The following APEX1 variants were observed in gnomAD, a reference collection of about 807,000 sequenced individuals.
The protein encoded by APEX1 is apurinic/apyrimidinic endodeoxyribonuclease 1.
Under a neutral mutation model 33.2 loss-of-function variants are expected in APEX1, and 32 were observed. The ratio of observed to expected loss-of-function variants is 0.96; its 90% CI spans 0.73 to 1.29. The LOEUF is 1.29. APEX1 is among the 50% of genes most tolerant of loss of function. The probability of loss-of-function intolerance (pLI) is 0.00; values close to 1 mark genes in which losing one functional copy is unlikely to be tolerated. For synonymous variants in APEX1, 175 were observed against 156.6 expected (o/e 1.12, Z -0.88); for missense variants, 442 against 395.6 (o/e 1.12, Z -0.99).
At position 20,455,698 on chromosome 14, in the gene APEX1, G is replaced by C. The variant is rs1247265790; in HGVS notation, c.53G>C (p.Arg18Thr). ...GTGGCGGAAGACGGGGATGAGCTCA[G>C]GACAGGTAAGGGAATGAAATCAGCC... ...GAVAEDGDEL[R>T]TEPEAKKSKT... is the part of the protein sequence containing the mutation. The change falls in exon 2 of 5, where the codon AGG becomes ACG. Residue 18 changes from arginine (R) to threonine (T), a missense_variant. Coordinates refer to ENST00000216714, the MANE Select transcript of APEX1 (RefSeq NM_001641.4). The C allele has an allele frequency of 1.2e-6, 2 of 1,614,086 alleles. No homozygotes were observed. The highest frequency in any genetic ancestry group is 2.7e-5 in the African/African-American group (2 of 74,930).
Position 20,457,610 on chromosome 14 carries a change from T to TA in APEX1, c.*106dup. 1.4e-6 allele frequency: 2 copies of TA among 1,477,870 alleles called. No individual in the cohort carries two copies. Among genetic ancestry groups the TA allele is most frequent in the Admixed American group, 1.7e-5 (1 of 59,772 alleles). The allele number at this position is 1,477,870 out of a possible 1,614,324, so 91.5% of individuals were successfully genotyped here. A position where few individuals can be genotyped will look rare whatever the true frequency, so the allele number is the denominator to read the frequency against. On this transcript the variant is annotated 3_prime_UTR_variant, in exon 5 of 5. Coordinates refer to ENST00000216714, the MANE Select transcript of APEX1 (RefSeq NM_001641.4). The stretch of plus-strand genomic sequence containing the variant: ...AAATCTGCATTCTATTTCTCATGTA[T>TA]AAAACTAGGAATCCTCCAACCAGGC...
Position 20,455,284 on chromosome 14 carries a change from G to A in APEX1, c.-179G>A. The A allele has an allele frequency of 4.8e-6, 2 of 417,694 alleles. No individual in the cohort carries two copies. The highest frequency in any genetic ancestry group is 8.9e-6 in the Non-Finnish European group (2 of 224,014). The allele number at this position is 417,694 out of a possible 1,614,324, so 25.9% of individuals were successfully genotyped here. ...GCCATCGGGCCGGTGCAGATACGGG[G>A]TTGCTCTTTTGCTCATAAGAGGGGC... On this transcript the variant is annotated 5_prime_UTR_variant, in exon 1 of 5. Transcript: ENST00000216714.
Position 20,457,458 on chromosome 14 carries a change from AAGGCCCTC to A in APEX1, c.908_915del (p.Lys303ArgfsTer3). 1.2e-6 allele frequency: 2 copies of A among 1,614,182 alleles called. No individual in the cohort carries two copies. Among genetic ancestry groups the A allele is most frequent in the Non-Finnish European group, 1.7e-6 (2 of 1,180,028 alleles). ...ATTGTGTGACAGCAAGATCCGTTCC[AAGGCCCTC>A]GGCAGTGATCACTGTCCTATCACCC... On this transcript the variant is annotated frameshift_variant, in exon 5 of 5. Coordinates refer to ENST00000216714, the MANE Select transcript of APEX1 (RefSeq NM_001641.4). LOFTEE classifies it high-confidence loss of function.
rs1881424690 is a variant in APEX1, at chr14:20,457,060, C to T, written c.509C>T (p.Ala170Val). The T allele has an allele frequency of 6.2e-6, 10 of 1,614,064 alleles. No individual in the cohort carries two copies. The highest frequency in any genetic ancestry group is 7.6e-6 in the Non-Finnish European group (9 of 1,180,042). ...AEFDSFVLVTAYVPNAGRGLV... is the reference protein window; with the variant it reads ...AEFDSFVLVTVYVPNAGRGLV... ...TTTGACTCGTTTGTGCTGGTAACAG[C>T]ATATGTACCTAATGCAGGCCGAGGT... is the stretch of plus-strand genomic sequence containing the variant. Residue 170 changes from alanine (A) to valine (V), a missense_variant, in exon 5 of 5, where the codon GCA becomes GTA. Ala to Val is a moderately conservative substitution (Grantham distance 64). Coordinates refer to ENST00000216714, the MANE Select transcript of APEX1 (RefSeq NM_001641.4).
chr14:20,456,534 T>C, intron 3 of APEX1, 134 bp from the exon 4 acceptor site: 1 of 826,570 alleles, frequency 1.2e-6, no homozygotes, highest in Middle Eastern at 3.5e-4. Flanking sequence ...GTTTGAATAT[T>C]GTGCTGCTTG....
At position 20,456,976 on chromosome 14, in the gene APEX1, G is replaced by A. The variant is rs778007218; in HGVS notation, c.440-15G>A. The A allele has an allele frequency of 1.2e-6, 2 of 1,612,620 alleles. No individual in the cohort carries two copies. Among genetic ancestry groups the A allele is most frequent in the Admixed American group, 3.3e-5 (2 of 59,838 alleles). On this transcript the variant is annotated splice_polypyrimidine_tract_variant and intron_variant, in intron 4 of 4. Coordinates refer to ENST00000216714, the MANE Select transcript of APEX1 (RefSeq NM_001641.4). ...TCTTATAGTTTTTTATGCTAATTCT[G>A]TTTCATTTCTATAGGCGATGAGGAG... is the stretch of plus-strand genomic sequence containing the variant.
rs776757071 is a variant in APEX1, at chr14:20,457,110, C to G, written c.559C>G (p.Arg187Gly). ...RGLVRLEYRQ[R>G]WDEAFRKFLK... The stretch of plus-strand genomic sequence containing the variant: ...TCTGGTACGACTGGAGTACCGGCAG[C>G]GCTGGGATGAAGCCTTTCGCAAGTT... Residue 187 changes from arginine to glycine, a missense_variant, in exon 5 of 5, where the codon CGC (arginine) becomes GGC (glycine). Physicochemically the swap from Arg to Gly is moderately radical, Grantham distance 125 (BLOSUM62 -2). Transcript: ENST00000216714. 4 of 1,614,188 alleles carry G rather than the reference C, an allele frequency of 2.5e-6. No individual in the cohort carries two copies. In the East Asian group the frequency reaches 6.7e-5, roughly 27 times the overall value.
chr14:20,456,659 C>T lies in APEX1; in HGVS notation c.247-9C>T, dbSNP rs1451142690. ...ATAATACGTTTTCCACCTTTCTTTT[C>T]ACTTACAGTGGGTAAAGGAAGAAGC... On this transcript the variant is annotated splice_polypyrimidine_tract_variant and intron_variant, in intron 3 of 4. Transcript: ENST00000216714. 1.2e-6 allele frequency: 2 copies of T among 1,612,840 alleles called. No homozygotes were observed. The highest frequency in any genetic ancestry group is 3.3e-5 in the Admixed American group (2 of 60,018).
intron 3 of APEX1, 89 bp from the exon 4 acceptor site, chr14:20,456,579 C>T (rs560861477): frequency 2.2e-5 from 28 of 1,269,462 alleles, no homozygotes; most frequent in Non-Finnish European, 2.4e-5. Context: ...CTGTTTAACC[C>T]GTGCGTATCT....
At position 20,457,642 on chromosome 14, in the gene APEX1, G is replaced by A. The variant is rs1005375385; in HGVS notation, c.*134G>A. On this transcript the variant is annotated 3_prime_UTR_variant, in exon 5 of 5. Coordinates refer to ENST00000216714, the MANE Select transcript of APEX1 (RefSeq NM_001641.4). ...AGGAATCCTCCAACCAGGCTCCTGT[G>A]ATAGAGTTCTTTTAAGCCCAAGATT... 5.3e-6 allele frequency: 7 copies of A among 1,308,488 alleles called. No homozygotes were observed. The highest frequency in any genetic ancestry group is 7.6e-6 in the Non-Finnish European group (7 of 925,166). 81.1% of individuals were successfully genotyped at this position (1,308,488 alleles called of 1,614,324 possible).
chr14:20,457,555 T>C lies in APEX1; in HGVS notation c.*47T>C. The C allele has an allele frequency of 6.3e-7, 1 of 1,592,856 alleles. No individual in the cohort carries two copies. The highest frequency in any genetic ancestry group is 2.2e-5 in the East Asian group (1 of 44,796). On this transcript the variant is annotated 3_prime_UTR_variant, in exon 5 of 5. Transcript: ENST00000216714. ...AGCCTGGGAAATAAGCCCCCTCAAC[T>C]ACCATTCCTTCTTTAAACACTCTTC...
intron 1 of APEX1, 24 bp downstream of exon 1, chr14:20,455,418 T>C: frequency 1.5e-6 from 1 of 648,296 alleles, no homozygotes; most frequent in Non-Finnish European, 2.7e-6. Context: ...TGAAATGATC[T>C]AGTTTCGTGG....
At position 20,455,305 on chromosome 14, in the gene APEX1, G is replaced by C. The variant is rs527442927; in HGVS notation, c.-158G>C. ...CGGGGTTGCTCTTTTGCTCATAAGAGGGGCTTCGCTGGCAGTCTGAACGGC... is the reference window on the plus strand; with the variant it reads ...CGGGGTTGCTCTTTTGCTCATAAGACGGGCTTCGCTGGCAGTCTGAACGGC... On this transcript the variant is annotated 5_prime_UTR_variant, in exon 1 of 5. Transcript: ENST00000216714. The C allele has an allele frequency of 4.2e-5, 19 of 449,214 alleles. No homozygotes were observed. Among genetic ancestry groups the C allele is most frequent in the Admixed American group, 2.8e-4 (8 of 28,152 alleles). 27.8% of individuals were successfully genotyped at this position (449,214 alleles called of 1,614,324 possible).
intron 3 of APEX1, 73 bp downstream of exon 3, chr14:20,456,174 C>A: frequency 6.5e-7 from 1 of 1,539,608 alleles, no homozygotes; most frequent in South Asian, 1.1e-5. Flanking sequence ...CCCTTTTCTC[C>A]GTTTAGCCTT....
chr14:20,455,463 G>T, intron 1 of APEX1, 69 bp downstream of exon 1: 1 of 950,364 alleles, frequency 1.1e-6, no homozygotes, highest in Non-Finnish European at 1.6e-6. Context: ...GCACGGAGGC[G>T]GGGAAAGGAT....
chr14:20,457,307 C>T lies in APEX1; in HGVS notation c.756C>T (p.Ser252=). 1 of 1,614,226 alleles carries T rather than the reference C, an allele frequency of 6.2e-7. No individual in the cohort carries two copies. The highest frequency in any genetic ancestry group is 1.1e-5 in the South Asian group (1 of 91,088). ...TGCAGGCTGTGCCACTGGCTGACAG[C>T]TTTAGGCACCTCTACCCCAACACAC... ...ELLQAVPLAD[S]FRHLYPNTPY... Residue 252 remains serine (S), a synonymous_variant, in exon 5 of 5, where the codon AGC becomes AGT. Coordinates refer to ENST00000216714, the MANE Select transcript of APEX1 (RefSeq NM_001641.4).
At chr14:20,456,205 C>T in intron 3 of APEX1, 104 bp downstream of exon 3, 1 of 1,347,052 alleles carries the variant, frequency 7.4e-7, no homozygotes, top group Non-Finnish European at 1.0e-6. Flanking sequence ...TATTTTTCTC[C>T]TGCCCGTAGT....
At position 20,456,043 on chromosome 14, in the gene APEX1, AG is replaced by A; in HGVS notation, c.189del (p.Ile64SerfsTer18). The A allele has an allele frequency of 6.2e-7, 1 of 1,614,210 alleles. No individual in the cohort carries two copies. The highest frequency in any genetic ancestry group is 2.2e-5 in the East Asian group (1 of 44,886). On this transcript the variant is annotated frameshift_variant, in exon 3 of 5. Transcript: ENST00000216714. LOFTEE classifies it high-confidence loss of function. The part of the protein sequence containing the change: ...TSPSGKPATL[K>X]ICSWNVDGLR... ...CCCAGTGGCAAACCTGCCACACTCA[AG>A]ATCTGCTCTTGGAATGTGGATGGGC...
rs760358491 is a variant in APEX1, at chr14:20,456,706, A to G, written c.285A>G (p.Gln95=). 26 of 1,614,136 alleles carry G rather than the reference A, an allele frequency of 1.6e-5. No homozygotes were observed. Among genetic ancestry groups the G allele is most frequent in the Non-Finnish European group, 2.2e-5 (26 of 1,180,050 alleles). ...AAGCCCCAGATATACTGTGCCTTCA[A>G]GAGACCAAATGTTCAGAGAACAAAC... The part of the protein sequence containing the change: ...KEEAPDILCL[Q]ETKCSENKLP... Residue 95 remains glutamine (Q), a synonymous_variant, in exon 4 of 5, where the codon CAA becomes CAG. Coordinates refer to ENST00000216714, the MANE Select transcript of APEX1 (RefSeq NM_001641.4).
Sources: gnomAD v4.1 joint callset for allele counts on GRCh38, gnomAD v4.1.1 for gene constraint, MANE v1.5 for transcripts, NCBI Gene and HGNC (gene_info 2026-07-23, HGNC 2026-07-21) for gene names.